LAMA2: variants seen among roughly 807,000 people sequenced by gnomAD.
LAMA2 encodes laminin subunit alpha 2, also known as laminin subunit alpha-2.
Under a neutral mutation model 364.8 loss-of-function variants are expected in LAMA2, and 269 were observed. That is an observed-to-expected ratio of 0.74 (90% CI 0.67 to 0.82). The LOEUF (loss-of-function observed/expected upper bound fraction) is 0.82, where lower values mean the gene tolerates loss of function less well. Among genes scored for constraint, LAMA2 ranks in the 40% least tolerant of loss-of-function variants. LAMA2 has a pLI of 0.00. For missense variants in LAMA2, 3,807 were observed against 3,873.2 expected (o/e 0.98, Z 0.45); for synonymous variants, 1,379 against 1,370.6 (o/e 1.01, Z -0.14).
At chr6:129,261,600 T>C (rs1236296188) in intron 15 of LAMA2, among the ~76,000 whole-genome samples, 1 of 152,168 alleles carries the variant, frequency 6.6e-6, no homozygotes, top group East Asian at 1.9e-4. Context: ...TTAGTTTCTT[T>C]AAAATGGTGC....
chr6:128,989,497 A>G (rs2114656527), intron 1 of LAMA2, among the ~76,000 whole-genome samples: 1 of 152,320 alleles, frequency 6.6e-6, no homozygotes, highest in South Asian at 2.1e-4. Flanking sequence ...ACTAGAAAGC[A>G]AGACACTTTC....
intron 1 of LAMA2, among the ~76,000 whole-genome samples, chr6:128,948,694 G>A (rs1041992133): frequency 8.5e-5 from 13 of 152,176 alleles, no homozygotes; most frequent in Admixed American, 4.6e-4. Flanking sequence ...GAATGGTGTA[G>A]CACCATCCCC....
chr6:128,904,512 T>C (rs1444072556), intron 1 of LAMA2, among the ~76,000 whole-genome samples: 2 of 148,854 alleles, frequency 1.3e-5, no homozygotes, highest in Admixed American at 6.8e-5. Flanking sequence ...TGGAGTGCAA[T>C]GGCGTGATCT....
intron 61 of LAMA2, among the ~76,000 whole-genome samples, chr6:129,506,798 G>A (rs1287373640): frequency 6.6e-6 from 1 of 152,132 alleles, no homozygotes; most frequent in Non-Finnish European, 1.5e-5. Flanking sequence ...TGGATGATCA[G>A]TATTACTTTT....
chr6:129,151,739 G>A (rs999231501), intron 7 of LAMA2, among the ~76,000 whole-genome samples: 2 of 152,062 alleles, frequency 1.3e-5, no homozygotes, highest in South Asian at 2.1e-4. Flanking sequence ...GATCTTGTAC[G>A]AACTCACTCA....
chr6:129,163,993 T>C lies in LAMA2; in HGVS notation c.1207-1583T>C, dbSNP rs144154799. Among the ~76,000 whole-genome samples, 9 of 152,340 alleles carry C rather than the reference T, an allele frequency of 5.9e-5. No individual in the cohort carries two copies. The East Asian group carries it at 1.7e-3, about 29-fold the overall frequency. The stretch of plus-strand genomic sequence containing the variant: ...ACTTCCTTGTATGCTAATTTCAATA[T>C]CTGGGTCACCTCAGGATCTGCTTTT... On this transcript the variant is annotated intron_variant, in intron 8 of 64. Coordinates refer to ENST00000421865, the MANE Select transcript of LAMA2 (RefSeq NM_000426.4).
rs1428704071 is a variant in LAMA2 at position 129,491,986 on chromosome 6, G to A, written c.7984G>A (p.Val2662Ile). The change falls in exon 57 of 65, where the codon GTT (valine) becomes ATT (isoleucine). Residue 2662 changes from valine (V) to isoleucine (I), a missense_variant. By Grantham distance (29) the Val-to-Ile change is conservative (BLOSUM62 3). Coordinates refer to ENST00000421865, the MANE Select transcript of LAMA2 (RefSeq NM_000426.4). ...EQPIEVKKLFVGGAPPEFQPS... is the reference protein window; with the variant it reads ...EQPIEVKKLFIGGAPPEFQPS... ...GCCTATCGAAGTTAAAAAGCTTTTC[G>A]TTGGGGGTGCTCCACCTGAATTTCA... The A allele has an allele frequency of 3.7e-6, 6 of 1,613,878 alleles. No homozygotes were observed. Among genetic ancestry groups the A allele is most frequent in the East Asian group, 4.5e-5 (2 of 44,862 alleles).
At chr6:129,008,081 G>A (rs997683775) in intron 1 of LAMA2, among the ~76,000 whole-genome samples, 4 of 152,154 alleles carry the variant, frequency 2.6e-5, no homozygotes, top group Non-Finnish European at 5.9e-5. Flanking sequence ...ACACCACACA[G>A]GGTAGTTCAC....
At chr6:129,165,735 A>T in intron 9 of LAMA2, 60 bp downstream of exon 9, 1 of 976,716 alleles carries the variant, frequency 1.0e-6, no homozygotes, top group Non-Finnish European at 1.6e-6. Context: ...GCCAAATATG[A>T]TTATTTTCAG....
At chr6:129,320,758 T>C in intron 28 of LAMA2, 103 bp downstream of exon 28, 1 of 718,972 alleles carries the variant, frequency 1.4e-6, no homozygotes, top group Non-Finnish European at 2.5e-6. Flanking sequence ...TTAATCTATT[T>C]TATTTAATCT....
At chr6:129,397,352 T>G (rs1020256589) in intron 37 of LAMA2, among the ~76,000 whole-genome samples, 13 of 152,182 alleles carry the variant, frequency 8.5e-5, no homozygotes, top group Admixed American at 1.3e-4. Context: ...TCTTTGTTTT[T>G]ATTGTACTCA....
At chr6:129,195,347 C>T (rs1781772766) in intron 12 of LAMA2, among the ~76,000 whole-genome samples, 1 of 152,058 alleles carries the variant, frequency 6.6e-6, no homozygotes, top group Admixed American at 6.5e-5. Context: ...GGATGTCTGC[C>T]TGGTTGTAAT....
intron 40 of LAMA2, among the ~76,000 whole-genome samples, chr6:129,417,777 A>G (rs977715430): frequency 2.6e-5 from 4 of 152,128 alleles, no homozygotes; most frequent in Non-Finnish European, 5.9e-5. Flanking sequence ...GGGCCAAGAT[A>G]GTAGGGGGCT....
At chr6:129,240,165 G>T (rs996403814) in intron 12 of LAMA2, among the ~76,000 whole-genome samples, 2 of 152,188 alleles carry the variant, frequency 1.3e-5, no homozygotes, top group Non-Finnish European at 2.9e-5. Flanking sequence ...AGAAGACTGC[G>T]CAATTCTAGA....
At position 129,445,541 on chromosome 6, in the gene LAMA2, G is replaced by T. The variant is rs1399811765; in HGVS notation, c.6275-126G>T. 4 of 789,116 alleles carry T rather than the reference G, an allele frequency of 5.1e-6. No homozygotes were observed. In the African/African-American group the frequency reaches 5.1e-5, roughly 10 times the overall value. 48.9% of individuals were successfully genotyped at this position (789,116 alleles called of 1,614,324 possible). A position where few individuals can be genotyped will look rare whatever the true frequency, so the allele number is the denominator to read the frequency against. On this transcript the variant is annotated intron_variant, in intron 44 of 64. Coordinates refer to ENST00000421865, the MANE Select transcript of LAMA2 (RefSeq NM_000426.4). ...ATTTGCCATCACACATTTTGCTTTA[G>T]CTGTTATGGCCATGCTTTGTCACAT...
intron 6 of LAMA2, among the ~76,000 whole-genome samples, chr6:129,147,321 G>C (rs1440967049): frequency 2.8e-5 from 4 of 142,172 alleles, no homozygotes; most frequent in Non-Finnish European, 3.0e-5. Flanking sequence ...AATCTCTCTA[G>C]CTATGACAGC....
rs1429579718 is a variant in LAMA2 at position 129,393,100 on chromosome 6, G to C, written c.5290G>C (p.Glu1764Gln). The C allele has an allele frequency of 2.5e-6, 4 of 1,613,844 alleles. No individual in the cohort carries two copies. Among genetic ancestry groups the C allele is most frequent in the Non-Finnish European group, 3.4e-6 (4 of 1,179,944 alleles). The stretch of plus-strand genomic sequence containing the variant: ...GAAGCTGTTTGGAGAGTCCCGGGGG[G>C]AAAATGAAGAAATGGAGAAGGATCT... ...VKKLFGESRG[E>Q]NEEMEKDLRE... Residue 1764 changes from glutamate to glutamine, a missense_variant, in exon 37 of 65, where the codon GAA becomes CAA. By Grantham distance (29) the Glu-to-Gln change is conservative. Transcript: ENST00000421865.
At chr6:128,915,131 A>C (rs1294435800) in intron 1 of LAMA2, among the ~76,000 whole-genome samples, 2 of 152,190 alleles carry the variant, frequency 1.3e-5, no homozygotes, top group African/African-American at 4.8e-5. Flanking sequence ...CTTTGGTGTC[A>C]CATGGACCTT....
chr6:129,305,653 G>T (rs1244757415), intron 22 of LAMA2, among the ~76,000 whole-genome samples: 1 of 152,122 alleles, frequency 6.6e-6, no homozygotes, highest in African/African-American at 2.4e-5. Flanking sequence ...GAGAGAGTGT[G>T]TGTGTGTGTA....
Sources: allele counts gnomAD v4.1 joint callset (sites outside exome capture counted in the v4.1 genomes callset), GRCh38; gene constraint gnomAD v4.1.1; transcripts MANE v1.5; gene names NCBI Gene and HGNC (gene_info 2026-07-23, HGNC 2026-07-21).